SNED1: variants seen among roughly 807,000 people sequenced by gnomAD.
SNED1 encodes the protein sushi, nidogen and EGF-like domain-containing protein 1.
A neutral mutation model predicts 166.7 loss-of-function variants in SNED1; 81 were observed. The observed-to-expected ratio is 0.49, with a 90% CI of 0.41 to 0.58. SNED1 has a LOEUF of 0.58. Among genes scored for constraint, SNED1 ranks in the 20% least tolerant of loss-of-function variants. The pLI is 0.00. For synonymous variants in SNED1, 762 were observed against 822.0 expected (o/e 0.93, Z 1.25); for missense variants, 1,604 against 2,000.2 (o/e 0.80, Z 3.78).
At chr2:241,004,957 G>A (rs555387790) in intron 1 of SNED1, among the ~76,000 whole-genome samples, 11 of 152,128 alleles carry the variant, frequency 7.2e-5, no homozygotes, top group South Asian at 6.2e-4. Flanking sequence ...TCCTGATCTC[G>A]TGATCCACCC....
chr2:241,010,735 CT>C, intron 1 of SNED1: 1 of 152,576 alleles, frequency 6.6e-6, no homozygotes, highest in Non-Finnish European at 1.5e-5. Context: ...CAACGCAGAG[CT>C]TTTTCCAGGC....
At chr2:241,039,216 C>T (rs889898547) in intron 6 of SNED1, among the ~76,000 whole-genome samples, 3 of 152,162 alleles carry the variant, frequency 2.0e-5, no homozygotes, top group South Asian at 2.1e-4. Flanking sequence ...CTCCACCTAG[C>T]GGAGTTGGGG....
At chr2:241,089,213 G>C (rs945846762) in intron 31 of SNED1, 76 of 1,320,562 alleles carry the variant, frequency 5.8e-5, no homozygotes, top group Admixed American at 2.4e-4. Flanking sequence ...ACATGTCACT[G>C]CATGAAAGAT....
rs2061779019 is a variant in SNED1 at position 241,049,915 on chromosome 2, G to A, written c.1717G>A (p.Gly573Ser). The change falls in exon 12 of 32, where the codon GGC becomes AGC. Residue 573 changes from glycine to serine, a missense_variant. Gly to Ser is a moderately conservative substitution (Grantham distance 56, BLOSUM62 0). Transcript: ENST00000310397. ...YTCECPRGFH[G>S]KHCEKARPHL... Reference sequence around the variant, plus strand: ...CTGCGAGTGCCCGCGCGGGTTCCACGGCAAGCACTGCGAGAAAGGTATGGC... The same window carrying A: ...CTGCGAGTGCCCGCGCGGGTTCCACAGCAAGCACTGCGAGAAAGGTATGGC... The A allele has an allele frequency of 6.2e-7, 1 of 1,613,396 alleles. No homozygotes were observed. Among genetic ancestry groups the A allele is most frequent in the Admixed American group, 1.7e-5 (1 of 60,002 alleles).
At chr2:241,076,939 C>T (rs1052853637) in intron 27 of SNED1, among the ~76,000 whole-genome samples, 75 of 152,274 alleles carry the variant, frequency 4.9e-4, no homozygotes, top group African/African-American at 1.6e-3. Flanking sequence ...ATTAGCTGGG[C>T]ATGGTGGCGG....
chr2:241,052,928 G>A (rs982967447), intron 15 of SNED1, among the ~76,000 whole-genome samples: 2 of 151,998 alleles, frequency 1.3e-5, no homozygotes, highest in African/African-American at 2.4e-5. Context: ...AGTGGGGAGC[G>A]TGGGATTTCT....
chr2:241,078,454 G>A (rs946711015), intron 27 of SNED1, among the ~76,000 whole-genome samples: 3 of 151,522 alleles, frequency 2.0e-5, no homozygotes, highest in Non-Finnish European at 2.9e-5. Context: ...AATGGAACAC[G>A]ATTCAACCAT....
intron 8 of SNED1, 97 bp downstream of exon 8, chr2:241,040,510 A>C: frequency 1.4e-6 from 1 of 740,336 alleles, no homozygotes. Context: ...TTGCCATCTG[A>C]CTCACCTCAC....
At chr2:241,040,246 A>G in intron 7 of SNED1, 54 bp from the exon 8 acceptor site, 1 of 1,571,226 alleles carries the variant, frequency 6.4e-7, no homozygotes, top group Non-Finnish European at 8.6e-7. Flanking sequence ...GGTGCTGGGC[A>G]CAGGGTGGTT....
intron 8 of SNED1, among the ~76,000 whole-genome samples, chr2:241,042,353 C>T (rs2061543039): frequency 6.6e-6 from 1 of 152,154 alleles, no homozygotes; most frequent in African/African-American, 2.4e-5. Flanking sequence ...CTAATGTCGA[C>T]CTGCCCTAAC....
rs1434194147 is a variant in SNED1, at chr2:241,033,850, C to T, written c.617C>T (p.Thr206Ile). The change falls in exon 3 of 32, where the codon ACT becomes ATT. Residue 206 changes from threonine to isoleucine, a missense_variant. Around this residue, in one of 2 missense-constraint regions of SNED1, gnomAD observed 1,237 missense variants for 1,620.8 expected, o/e 0.76. Transcript: ENST00000310397. ...GTHASSGGNATGLGGIAAQAG... is the reference protein window; with the variant it reads ...GTHASSGGNAIGLGGIAAQAG... Reference sequence around the variant, plus strand: ...CACGCCAGCAGCGGGGGCAACGCCACTGGCCTCGGGGGCATCGCAGCCCAG... The same window carrying T: ...CACGCCAGCAGCGGGGGCAACGCCATTGGCCTCGGGGGCATCGCAGCCCAG... The T allele has an allele frequency of 6.2e-7, 1 of 1,607,000 alleles. No homozygotes were observed. Among genetic ancestry groups the T allele is most frequent in the African/African-American group, 1.3e-5 (1 of 74,974 alleles).
At chr2:241,074,464 C>T (rs1249954634) in intron 27 of SNED1, 1 of 152,188 alleles carries the variant, frequency 6.6e-6, no homozygotes, top group Non-Finnish European at 1.5e-5. Flanking sequence ...AACATTTCAT[C>T]AGATGATTTG....
In SNED1 at chr2:241,082,396, A is replaced by C. The variant is rs532991509; in HGVS notation, c.4121+32A>C. 4.1e-5 allele frequency: 64 copies of C among 1,553,938 alleles called. No individual in the cohort carries two copies. The South Asian group carries it at 6.3e-4, about 15-fold the overall frequency. On this transcript the variant is annotated intron_variant, in intron 29 of 31. Transcript: ENST00000310397. ...TGGTTTCTGTCCTCCGCCTTACCGC[A>C]TTTGTCGTGTGTTCTTGACTCCTCA...
chr2:241,079,761 C>T (rs1040373090), intron 27 of SNED1, among the ~76,000 whole-genome samples: 1 of 151,986 alleles, frequency 6.6e-6, no homozygotes, highest in East Asian at 1.9e-4. Context: ...TCATTGCAAG[C>T]GATTTTAATA....
At position 241,053,303 on chromosome 2, in the gene SNED1, G is replaced by T; in HGVS notation, c.2234G>T (p.Trp745Leu). 1 of 1,590,524 alleles carries T rather than the reference G, an allele frequency of 6.3e-7. No individual in the cohort carries two copies. The stretch of plus-strand genomic sequence containing the variant: ...CGGGTCTGCCAGCCACACGGTGTCT[G>T]GAGTGAGCCTCCCCAGTGCCTTGGT... Reference protein sequence around the residue: ...RIRVCQPHGVWSEPPQCLEID... With the variant: ...RIRVCQPHGVLSEPPQCLEID... Residue 745 changes from tryptophan (W) to leucine (L), a missense_variant, in exon 16 of 32, where the codon TGG becomes TTG. Transcript: ENST00000310397.
chr2:241,065,263 C>T (rs1195319753), intron 20 of SNED1, 36 bp from the exon 21 acceptor site: 5 of 1,608,578 alleles, frequency 3.1e-6, no homozygotes, highest in Non-Finnish European at 3.4e-6. Flanking sequence ...AACGGCTGAC[C>T]AGTCCCCTCC....
At chr2:241,005,630 T>G (rs1333449274) in intron 1 of SNED1, among the ~76,000 whole-genome samples, 1 of 152,158 alleles carries the variant, frequency 6.6e-6, no homozygotes, top group Non-Finnish European at 1.5e-5. Flanking sequence ...TTATCTTCAT[T>G]TTTTGAAAGA....
In SNED1 at chr2:241,029,831, C is replaced by T. The variant is rs74711180; in HGVS notation, c.214-453C>T. On this transcript the variant is annotated intron_variant, in intron 1 of 31. Transcript: ENST00000310397. ...CCGCTCTAGTGGGGGCACCCCTCCC[C>T]GAAGCCCACCTTGTGTGACCCCTGC... is the stretch of plus-strand genomic sequence containing the variant. Among the ~76,000 whole-genome samples, 46 of 152,354 alleles carry T rather than the reference C, an allele frequency of 3.0e-4. 2 individuals carry two copies. In the East Asian group the frequency reaches 7.9e-3, roughly 26 times the overall value.
intron 27 of SNED1, among the ~76,000 whole-genome samples, chr2:241,080,395 C>G (rs932067680): frequency 1.3e-5 from 2 of 152,138 alleles, no homozygotes; most frequent in African/African-American, 4.8e-5. Context: ...TTTTCTAGTT[C>G]TGTTCATTGA....
Sources: allele counts gnomAD v4.1 joint callset (sites outside exome capture counted in the v4.1 genomes callset), GRCh38; gene constraint gnomAD v4.1.1; regional missense constraint gnomAD v4.1.1; transcripts MANE v1.5; gene names NCBI Gene and HGNC (gene_info 2026-07-23, HGNC 2026-07-21).